Variants in PDE4D observed in about 807,000 individuals in gnomAD.
PDE4D encodes 3',5'-cyclic-AMP phosphodiesterase 4D.
Under a neutral mutation model 87.4 loss-of-function variants are expected in PDE4D, and 24 were observed. The ratio of observed to expected loss-of-function variants is 0.27; its 90% CI spans 0.20 to 0.39. The LOEUF is 0.39. PDE4D is among the 10% of genes least tolerant of loss of function. PDE4D has a pLI of 1.00. For missense variants in PDE4D, 714 were observed against 1,041.0 expected (o/e 0.69, Z 4.32); for synonymous variants, 384 against 383.2 (o/e 1.00, Z -0.02).
At chr5:59,946,371 A>G (rs1757724355) in intron 3 of PDE4D, among the ~76,000 whole-genome samples, 1 of 152,240 alleles carries the variant, frequency 6.6e-6, no homozygotes, top group Admixed American at 6.5e-5. Flanking sequence ...TTCAGCAATT[A>G]TTACAGGGAG....
chr5:60,301,563 T>A (rs1457328217), intron 1 of PDE4D, among the ~76,000 whole-genome samples: 1 of 152,236 alleles, frequency 6.6e-6, no homozygotes, highest in African/African-American at 2.4e-5. Context: ...TGATTTTGTA[T>A]CCTGACTGCT....
chr5:59,794,376 A>G (rs1221256611), intron 1 of PDE4D, among the ~76,000 whole-genome samples: 2 of 152,144 alleles, frequency 1.3e-5, no homozygotes, highest in Non-Finnish European at 2.9e-5. Flanking sequence ...TCATGAAGAA[A>G]AGACAAAAGA....
chr5:59,306,514 C>T (rs1007879305), intron 1 of PDE4D, among the ~76,000 whole-genome samples: 6 of 152,040 alleles, frequency 3.9e-5, no homozygotes, highest in African/African-American at 7.2e-5. Context: ...TTGTGATTTA[C>T]GCTTTAAAGA....
intron 5 of PDE4D, among the ~76,000 whole-genome samples, chr5:59,094,841 A>C (rs958068258): frequency 2.0e-5 from 3 of 152,168 alleles, no homozygotes; most frequent in African/African-American, 7.2e-5. Context: ...TTTATCCCCA[A>C]CTTGGATACT....
intron 1 of PDE4D, among the ~76,000 whole-genome samples, chr5:59,380,621 G>A (rs1286236667): frequency 6.6e-6 from 1 of 152,022 alleles, no homozygotes; most frequent in Admixed American, 6.6e-5. Context: ...TTTACAAGAG[G>A]TCCTTGACTT....
intron 1 of PDE4D, among the ~76,000 whole-genome samples, chr5:60,205,812 G>T (rs1267385481): frequency 2.0e-5 from 3 of 152,052 alleles, no homozygotes; most frequent in Admixed American, 2.0e-4. Context: ...GTTCAAACCT[G>T]GGAGGCGGGG....
intron 5 of PDE4D, among the ~76,000 whole-genome samples, chr5:59,137,587 C>T (rs957940035): frequency 1.3e-5 from 2 of 148,158 alleles, no homozygotes; most frequent in Admixed American, 1.4e-4. Context: ...AGTGCAGTGG[C>T]GAGATCTCAG....
intron 2 of PDE4D, among the ~76,000 whole-genome samples, chr5:60,033,181 C>T (rs939491908): frequency 3.9e-5 from 6 of 151,984 alleles, no homozygotes; most frequent in African/African-American, 7.3e-5. Flanking sequence ...TGCTGTTGTT[C>T]GGTAAACTAC....
chr5:60,379,651 G>T (rs572180382), intron 1 of PDE4D, among the ~76,000 whole-genome samples: 2 of 152,140 alleles, frequency 1.3e-5, no homozygotes, highest in Non-Finnish European at 2.9e-5. Context: ...TCTTTGTGGG[G>T]CCTACAGGTT....
intron 1 of PDE4D, among the ~76,000 whole-genome samples, chr5:59,659,170 C>T (rs1744845475): frequency 6.6e-6 from 1 of 152,172 alleles, no homozygotes; most frequent in South Asian, 2.1e-4. Context: ...AGATTTGCAA[C>T]AAATGCCTAA....
intron 1 of PDE4D, among the ~76,000 whole-genome samples, chr5:59,346,313 A>C (rs1779595704): frequency 6.6e-6 from 1 of 152,098 alleles, no homozygotes; most frequent in Admixed American, 6.6e-5. Context: ...TTACTGGCAC[A>C]TTCACACCCA....
At chr5:59,205,878 A>C (rs1318078203) in intron 2 of PDE4D, among the ~76,000 whole-genome samples, 1 of 152,186 alleles carries the variant, frequency 6.6e-6, no homozygotes, top group East Asian at 1.9e-4. Flanking sequence ...CATTCATGAC[A>C]TTTATTGGGA....
intron 1 of PDE4D, among the ~76,000 whole-genome samples, chr5:59,762,485 T>TATATGTGTATATGGGTACAC (rs1298949731): frequency 2.3e-5 from 3 of 131,598 alleles, no homozygotes; most frequent in African/African-American, 3.6e-5. Flanking sequence ...CACATATGTG[T>TATATGTGTATATGGGTACAC]ATATGTGTAT....
At position 60,143,704 on chromosome 5, in the gene PDE4D, C is replaced by T. The variant is rs996543826; in HGVS notation, c.42+41853G>A. Among the ~76,000 whole-genome samples the T allele has an allele frequency of 5.4e-5, 8 of 148,576 alleles. No homozygotes were observed. The East Asian group carries it at 1.0e-3, about 19-fold the overall frequency. On this transcript the variant is annotated intron_variant, in intron 2 of 16. Transcript: ENST00000502484. ...TTAAGCTCGCTAGATGATTTTAATG[C>T]GAAACCATGGTTGAGAAACACCCAG...
At position 59,775,573 on chromosome 5, in the gene PDE4D, T is replaced by C. The variant is rs192376137; in HGVS notation, c.455+117595A>G. On this transcript the variant is annotated intron_variant, in intron 1 of 14. Transcript: ENST00000340635. Reference sequence around the variant, plus strand: ...TGATCTCTAATCCTCAAGGTCATAATCAAAAGATTTTCAAACTCCCCAAAA... The same window carrying C: ...TGATCTCTAATCCTCAAGGTCATAACCAAAAGATTTTCAAACTCCCCAAAA... 2.0e-5 allele frequency among the ~76,000 whole-genome samples: 3 copies of C among 152,286 alleles called. No homozygotes were observed. The East Asian group carries it at 5.8e-4, about 29-fold the overall frequency.
intron 1 of PDE4D, among the ~76,000 whole-genome samples, chr5:59,318,516 G>A (rs1039758443): frequency 6.6e-6 from 1 of 152,032 alleles, no homozygotes; most frequent in Non-Finnish European, 1.5e-5. Context: ...ATATGCAATA[G>A]GGTTAAGTTG....
chr5:59,667,179 G>A lies in PDE4D; in HGVS notation c.455+225989C>T, dbSNP rs188452341. Among the ~76,000 whole-genome samples the A allele has an allele frequency of 1.6e-3, 247 of 152,226 alleles. 2 individuals carry two copies. Among genetic ancestry groups the A allele is most frequent in the Admixed American group, 2.4e-3 (36 of 15,284 alleles). ...GTCCATTTAGCAAAACATACACATT[G>A]TCAGTTAGCCTGAGAATTTTCACTA... is the stretch of plus-strand genomic sequence containing the variant. On this transcript the variant is annotated intron_variant, in intron 1 of 14. Coordinates refer to ENST00000340635, the MANE Select transcript of PDE4D (RefSeq NM_001104631.2).
chr5:59,551,313 A>C (rs1292084089), intron 1 of PDE4D, among the ~76,000 whole-genome samples: 1 of 149,528 alleles, frequency 6.7e-6, no homozygotes, highest in African/African-American at 2.4e-5. Flanking sequence ...TCTTTATTTA[A>C]ATAAATATTT....
At chr5:59,646,069 A>G (rs1742386826) in intron 1 of PDE4D, among the ~76,000 whole-genome samples, 1 of 152,202 alleles carries the variant, frequency 6.6e-6, no homozygotes. Flanking sequence ...TTTTCTGAAA[A>G]TGAAGTTAAT....
Sources: allele counts gnomAD v4.1 joint callset (sites outside exome capture counted in the v4.1 genomes callset), GRCh38; gene constraint gnomAD v4.1.1; transcripts MANE v1.5; gene names NCBI Gene and HGNC (gene_info 2026-07-23, HGNC 2026-07-21).